Variants in WDR43 observed in about 807,000 individuals in gnomAD.
WDR43 encodes the protein WD repeat-containing protein 43.
WDR43 carries 13 observed loss-of-function variants against 91.4 expected under a neutral mutation model. The observed-to-expected ratio is 0.14, with a 90% confidence interval of 0.09 to 0.23. The LOEUF (loss-of-function observed/expected upper bound fraction) is 0.23, where lower values mean the gene tolerates loss of function less well. Ranked by LOEUF, WDR43 falls within the 10% of genes least tolerant of loss-of-function variation. The pLI is 1.00. For missense variants in WDR43, 780 were observed against 809.4 expected (o/e 0.96, Z 0.44); for synonymous variants, 331 against 287.9 (o/e 1.15, Z -1.51).
At chr2:28,944,062 G>T (rs1262829151) in intron 16 of WDR43, among the ~76,000 whole-genome samples, 1 of 152,124 alleles carries the variant, frequency 6.6e-6, no homozygotes, top group Non-Finnish European at 1.5e-5. Context: ...CTCTTTGAGC[G>T]GCTCATGATG....
intron 14 of WDR43, among the ~76,000 whole-genome samples, chr2:28,938,457 G>A (rs1671375207): frequency 1.9e-5 from 1 of 53,214 alleles, no homozygotes; most frequent in South Asian, 6.4e-4. Flanking sequence ...ATTACCTATG[G>A]AAATAGAAGA....
At chr2:28,912,248 T>C (rs1196709054) in intron 3 of WDR43, among the ~76,000 whole-genome samples, 1 of 152,184 alleles carries the variant, frequency 6.6e-6, no homozygotes, top group Non-Finnish European at 1.5e-5. Context: ...GGAACTTTCC[T>C]GGACATTCGC....
chr2:28,910,646 A>G (rs1487066519), intron 3 of WDR43, among the ~76,000 whole-genome samples: 1 of 148,160 alleles, frequency 6.7e-6, no homozygotes, highest in African/African-American at 2.5e-5. Flanking sequence ...CTTTTTACAT[A>G]TATATACAGA....
intron 5 of WDR43, among the ~76,000 whole-genome samples, chr2:28,916,717 AT>A (rs1432128782): frequency 6.6e-6 from 1 of 152,100 alleles, no homozygotes; most frequent in African/African-American, 2.4e-5. Flanking sequence ...ATGAACACTG[AT>A]TTAGTCAATA....
chr2:28,908,885 CTAGT>C (rs1345178602), intron 3 of WDR43, among the ~76,000 whole-genome samples: 3 of 152,084 alleles, frequency 2.0e-5, no homozygotes, highest in Non-Finnish European at 4.4e-5. Context: ...TACATTATGA[CTAGT>C]TAATTATTGT....
intron 2 of WDR43, among the ~76,000 whole-genome samples, chr2:28,905,447 A>G (rs897943990): frequency 2.6e-5 from 4 of 152,204 alleles, no homozygotes; most frequent in Non-Finnish European, 5.9e-5. Context: ...AGTACAAGGA[A>G]GCATTTAGTG....
chr2:28,944,908 G>T (rs1056173206), intron 16 of WDR43, among the ~76,000 whole-genome samples: 4 of 152,202 alleles, frequency 2.6e-5, no homozygotes, highest in Non-Finnish European at 2.9e-5. Context: ...ACATAACAGG[G>T]CGCAATTTAA....
chr2:28,899,327 T>C (rs904858634), intron 1 of WDR43, among the ~76,000 whole-genome samples: 1 of 152,188 alleles, frequency 6.6e-6, no homozygotes, highest in Non-Finnish European at 1.5e-5. Flanking sequence ...GGGTATGACA[T>C]GTGTCTTAAG....
intron 2 of WDR43, among the ~76,000 whole-genome samples, chr2:28,906,185 C>T (rs974051330): frequency 1.3e-5 from 2 of 152,082 alleles, no homozygotes; most frequent in African/African-American, 2.4e-5. Context: ...TTGACTCCTA[C>T]CTCTACATAT....
At chr2:28,937,376 T>G (rs1671354077) in intron 13 of WDR43, among the ~76,000 whole-genome samples, 1 of 152,156 alleles carries the variant, frequency 6.6e-6, no homozygotes, top group Admixed American at 6.5e-5. Flanking sequence ...TTATAGTATA[T>G]TATCATCAGT....
chr2:28,946,324 T>G, intron 16 of WDR43, 126 bp from the exon 17 acceptor site: 16 of 956,130 alleles, frequency 1.7e-5, no homozygotes, highest in Non-Finnish European at 2.2e-5. Context: ...TATTTCTTAG[T>G]TGGATGATTG....
chr2:28,895,704 G>A (rs1480729951), intron 1 of WDR43: 1 of 152,230 alleles, frequency 6.6e-6, no homozygotes, highest in Non-Finnish European at 1.5e-5. Flanking sequence ...GAGTTAGGCA[G>A]AGCTTTTCAT....
Position 28,906,461 on chromosome 2 carries a change from G to T in WDR43, c.365G>T (p.Ser122Ile). 6.4e-7 allele frequency: 1 copy of T among 1,554,336 alleles called. No individual in the cohort carries two copies. ...TTTTTTTTTTTTTTTAATCTACAGA[G>T]TGGTGGACATGACAACAGAGTCAAC... is the stretch of plus-strand genomic sequence containing the variant. ...VKGELHSKLI[S>I]GGHDNRVNCI... The change falls in exon 3 of 18, where the codon AGT (serine) becomes ATT (isoleucine). Residue 122 changes from serine to isoleucine, a missense_variant and splice_region_variant. Physicochemically the swap from Ser to Ile is moderately radical, Grantham distance 142 (BLOSUM62 -2). Coordinates refer to ENST00000407426, the MANE Select transcript of WDR43 (RefSeq NM_015131.3).
chr2:28,939,587 TGCCAGG>T (rs1671396847), intron 14 of WDR43, among the ~76,000 whole-genome samples: 1 of 152,206 alleles, frequency 6.6e-6, no homozygotes, highest in African/African-American at 2.4e-5. Context: ...CCAAGGGCTA[TGCCAGG>T]CATGGGGATT....
chr2:28,944,864 C>T (rs549996253), intron 16 of WDR43, among the ~76,000 whole-genome samples: 4 of 152,322 alleles, frequency 2.6e-5, no homozygotes, highest in South Asian at 4.1e-4. Flanking sequence ...TCCGGCCAGG[C>T]GGAGCCAGAT....
chr2:28,896,675 G>T (rs750952251), intron 1 of WDR43, among the ~76,000 whole-genome samples: 5 of 152,160 alleles, frequency 3.3e-5, no homozygotes, highest in Non-Finnish European at 5.9e-5. Context: ...TTGAGTTTCA[G>T]TTGCATTGTA....
intron 1 of WDR43, among the ~76,000 whole-genome samples, chr2:28,896,349 C>T (rs1243242717): frequency 6.6e-6 from 1 of 152,112 alleles, no homozygotes; most frequent in African/African-American, 2.4e-5. Context: ...ATAATATCTT[C>T]TTCATAGAGT....
At chr2:28,899,318 G>C (rs1186992022) in intron 1 of WDR43, among the ~76,000 whole-genome samples, 2 of 152,160 alleles carry the variant, frequency 1.3e-5, no homozygotes, top group African/African-American at 4.8e-5. Flanking sequence ...TCTAATGCAG[G>C]GTATGACATG....
chr2:28,915,836 C>T (rs1250444853), intron 5 of WDR43, among the ~76,000 whole-genome samples: 1 of 152,190 alleles, frequency 6.6e-6, no homozygotes, highest in African/African-American at 2.4e-5. Context: ...AGATTTTGAG[C>T]ATACATGAAT....
Sources: allele counts gnomAD v4.1 joint callset (sites outside exome capture counted in the v4.1 genomes callset), GRCh38; gene constraint gnomAD v4.1.1; transcripts MANE v1.5; gene names NCBI Gene and HGNC (gene_info 2026-07-23, HGNC 2026-07-21).